The following XKR6 variants were observed in gnomAD, a reference collection of about 807,000 sequenced individuals.
XKR6 encodes XK-related protein 6.
A neutral mutation model predicts 56.7 loss-of-function variants in XKR6; 22 were observed. The observed-to-expected ratio is 0.39, with a 90% CI of 0.28 to 0.55. The LOEUF (loss-of-function observed/expected upper bound fraction) is 0.55. Ranked by LOEUF, XKR6 falls within the 20% of genes least tolerant of loss-of-function variation. The probability of loss-of-function intolerance (pLI) is 0.66; values close to 1 mark genes in which losing one functional copy is unlikely to be tolerated. For missense variants in XKR6, 852 were observed against 889.0 expected (o/e 0.96, Z 0.53); for synonymous variants, 524 against 387.8 (o/e 1.35, Z -4.13).
At chr8:11,127,108 G>C (rs889933202) in intron 1 of XKR6, among the ~76,000 whole-genome samples, 1 of 152,142 alleles carries the variant, frequency 6.6e-6, no homozygotes, top group Non-Finnish European at 1.5e-5. Context: ...TGGTACATTG[G>C]ATAAACATCA....
chr8:11,020,498 A>G (rs760374169), intron 1 of XKR6, among the ~76,000 whole-genome samples: 4 of 152,200 alleles, frequency 2.6e-5, no homozygotes, highest in Non-Finnish European at 5.9e-5. Context: ...GGGTGCTTGT[A>G]AGAACCCATC....
rs137940532 is a variant in XKR6, at chr8:11,056,018, C to CG, written c.765-131189dup. 3.0e-3 allele frequency among the ~76,000 whole-genome samples: 453 copies of CG among 152,284 alleles called. 6 individuals carry two copies. The highest frequency in any genetic ancestry group is 0.01 in the African/African-American group (432 of 41,556). ...CCGGGCCTGTGCAGCCCTTGGGTCT[C>CG]GATTCAGGATTCCTCTCCCGCCCCA... On this transcript the variant is annotated intron_variant, in intron 1 of 2. Transcript: ENST00000416569.
At chr8:11,100,324 G>C (rs956105620) in intron 1 of XKR6, among the ~76,000 whole-genome samples, 1 of 152,070 alleles carries the variant, frequency 6.6e-6, no homozygotes, top group Non-Finnish European at 1.5e-5. Flanking sequence ...CAAAGTGCTG[G>C]GATTACAAGT....
chr8:11,183,071 T>C (rs1438844472), intron 1 of XKR6, among the ~76,000 whole-genome samples: 2 of 152,194 alleles, frequency 1.3e-5, no homozygotes, highest in African/African-American at 4.8e-5. Context: ...GCTGAAACAT[T>C]CCTTTGAATG....
chr8:10,999,002 G>C (rs1798179622), intron 1 of XKR6, among the ~76,000 whole-genome samples: 1 of 152,202 alleles, frequency 6.6e-6, no homozygotes, highest in Non-Finnish European at 1.5e-5. Flanking sequence ...TCCAGTGATT[G>C]TTCTGAGGGT....
At chr8:10,996,237 A>C (rs1798110084) in intron 1 of XKR6, among the ~76,000 whole-genome samples, 1 of 152,130 alleles carries the variant, frequency 6.6e-6, no homozygotes, top group Admixed American at 6.5e-5. Context: ...TACTTCTACT[A>C]AGAGGTGCTC....
chr8:11,188,051 T>C (rs1004383472), intron 1 of XKR6, among the ~76,000 whole-genome samples: 2 of 152,220 alleles, frequency 1.3e-5, no homozygotes, highest in African/African-American at 4.8e-5. Flanking sequence ...AGCCCTGTTA[T>C]TTTTAGTGTA....
At chr8:10,920,457 G>A (rs1800677096) in intron 2 of XKR6, among the ~76,000 whole-genome samples, 1 of 152,298 alleles carries the variant, frequency 6.6e-6, no homozygotes, top group African/African-American at 2.4e-5. Flanking sequence ...GTAACAGGTG[G>A]GAGTCACCCC....
chr8:11,185,371 T>A (rs1426575823), intron 1 of XKR6, among the ~76,000 whole-genome samples: 1 of 152,252 alleles, frequency 6.6e-6, no homozygotes, highest in Non-Finnish European at 1.5e-5. Context: ...CACAGAAACT[T>A]AATCTTGTTT....
chr8:10,930,955 G>C (rs1801034328), intron 1 of XKR6, among the ~76,000 whole-genome samples: 1 of 152,110 alleles, frequency 6.6e-6, no homozygotes, highest in East Asian at 1.9e-4. Context: ...AATAAATACA[G>C]AAAGTATATG....
chr8:10,994,256 C>T (rs1798059535), intron 1 of XKR6, among the ~76,000 whole-genome samples: 1 of 152,250 alleles, frequency 6.6e-6, no homozygotes, highest in South Asian at 2.1e-4. Context: ...CACCTTCAGA[C>T]CCTCTCATTT....
chr8:11,088,093 T>C (rs1797952284), intron 1 of XKR6, among the ~76,000 whole-genome samples: 1 of 152,224 alleles, frequency 6.6e-6, no homozygotes, highest in African/African-American at 2.4e-5. Context: ...TTCAGATGGC[T>C]GTTTGAAAAA....
chr8:11,046,245 C>A (rs1472220471), intron 1 of XKR6, among the ~76,000 whole-genome samples: 4 of 151,930 alleles, frequency 2.6e-5, no homozygotes, highest in African/African-American at 9.7e-5. Context: ...ACTAAAAATA[C>A]AAAAATTAGC....
chr8:11,101,299 A>C (rs768545863), intron 1 of XKR6, among the ~76,000 whole-genome samples: 1 of 152,210 alleles, frequency 6.6e-6, no homozygotes, highest in Non-Finnish European at 1.5e-5. Flanking sequence ...ACTTCCAGCA[A>C]GAGGGAGCTG....
At chr8:10,952,184 G>C (rs1418802265) in intron 1 of XKR6, among the ~76,000 whole-genome samples, 3 of 152,158 alleles carry the variant, frequency 2.0e-5, no homozygotes, top group Non-Finnish European at 2.9e-5. Flanking sequence ...CAAAGCCCCT[G>C]CCCAGGAAGG....
chr8:11,088,301 A>T lies in XKR6; in HGVS notation c.764+112275T>A, dbSNP rs548232001. On this transcript the variant is annotated intron_variant, in intron 1 of 2. Transcript: ENST00000416569. ...AAACCCAATCTGACATAAAATGATA[A>T]TTCTGACCCAGATCCCCTTATGGTC... Among the ~76,000 whole-genome samples, 17 of 152,346 alleles carry T rather than the reference A, an allele frequency of 1.1e-4. 1 individual carries two copies. The South Asian group carries it at 3.5e-3, about 32-fold the overall frequency.
chr8:11,064,475 A>C (rs1799927307), intron 1 of XKR6, among the ~76,000 whole-genome samples: 1 of 152,238 alleles, frequency 6.6e-6, no homozygotes, highest in South Asian at 2.1e-4. Flanking sequence ...AAAGAAAGGA[A>C]GCAGAATAAT....
At chr8:11,116,561 G>A (rs552926079) in intron 1 of XKR6, among the ~76,000 whole-genome samples, 1 of 152,068 alleles carries the variant, frequency 6.6e-6, no homozygotes, top group Non-Finnish European at 1.5e-5. Context: ...AGTAGAGACG[G>A]GGTTTCTCCA....
At chr8:10,960,836 C>G (rs747439502) in intron 1 of XKR6, among the ~76,000 whole-genome samples, 3 of 152,220 alleles carry the variant, frequency 2.0e-5, no homozygotes, top group Admixed American at 6.5e-5. Flanking sequence ...AGGAACAATT[C>G]TAGGAGCTTG....
Sources: allele counts gnomAD v4.1 joint callset (sites outside exome capture counted in the v4.1 genomes callset), GRCh38; gene constraint gnomAD v4.1.1; transcripts MANE v1.5; gene names NCBI Gene and HGNC (gene_info 2026-07-23, HGNC 2026-07-21).